The following GRIK1 variants were observed in gnomAD, a reference collection of about 807,000 sequenced individuals.
GRIK1 encodes glutamate ionotropic receptor kainate type subunit 1.
In GRIK1, 69 loss-of-function variants were observed where a neutral mutation model predicts 105.7. That is an observed-to-expected ratio of 0.65 (90% CI 0.54 to 0.80). The LOEUF (loss-of-function observed/expected upper bound fraction) is 0.80, where lower values mean the gene tolerates loss of function less well. Among genes scored for constraint, GRIK1 ranks in the 30% least tolerant of loss-of-function variants. GRIK1 has a pLI of 0.00. For missense variants in GRIK1, 1,109 were observed against 1,167.3 expected, an observed-to-expected ratio of 0.95 and a Z score of 0.73; for synonymous variants, 438 against 431.3, an observed-to-expected ratio of 1.02 and a Z score of -0.19.
chr21:29,714,761 T>C (rs2064139084), intron 1 of GRIK1, among the ~76,000 whole-genome samples: 1 of 152,198 alleles, frequency 6.6e-6, no homozygotes, highest in African/African-American at 2.4e-5. Context: ...TACTTTTTTA[T>C]AGCTTTGATT....
At chr21:29,832,208 C>G (rs143508280) in intron 1 of GRIK1, among the ~76,000 whole-genome samples, 16 of 152,292 alleles carry the variant, frequency 1.1e-4, no homozygotes, top group African/African-American at 3.8e-4. Context: ...CAGGGTGCAT[C>G]CCCCTCAGCT....
At chr21:29,833,625 G>C (rs2067701721) in intron 1 of GRIK1, among the ~76,000 whole-genome samples, 1 of 152,140 alleles carries the variant, frequency 6.6e-6, no homozygotes, top group South Asian at 2.1e-4. Context: ...CATATCTCAT[G>C]AGAACTCACT....
At chr21:29,777,865 T>C (rs2065990355) in intron 1 of GRIK1, among the ~76,000 whole-genome samples, 1 of 152,048 alleles carries the variant, frequency 6.6e-6, no homozygotes, top group African/African-American at 2.4e-5. Flanking sequence ...TGAGTGGCAA[T>C]GGGTCAAGTG....
intron 1 of GRIK1, among the ~76,000 whole-genome samples, chr21:29,744,021 C>T (rs1043877466): frequency 6.6e-6 from 1 of 152,156 alleles, no homozygotes; most frequent in African/African-American, 2.4e-5. Context: ...GTACAACAAA[C>T]CCCCATGACA....
intron 1 of GRIK1, among the ~76,000 whole-genome samples, chr21:29,812,101 T>G (rs2067025969): frequency 6.6e-6 from 1 of 152,176 alleles, no homozygotes; most frequent in Non-Finnish European, 1.5e-5. Flanking sequence ...TGTGTCTGTG[T>G]GTGAATATAT....
At chr21:29,612,543 A>G (rs2146377936) in intron 7 of GRIK1, among the ~76,000 whole-genome samples, 1 of 152,230 alleles carries the variant, frequency 6.6e-6, no homozygotes, top group East Asian at 1.9e-4. Flanking sequence ...CCTTCAGTAC[A>G]TTGTCAGTGC....
At chr21:29,745,825 C>T (rs755579461) in intron 1 of GRIK1, among the ~76,000 whole-genome samples, 6 of 152,106 alleles carry the variant, frequency 3.9e-5, no homozygotes, top group Admixed American at 6.5e-5. Flanking sequence ...AAAGAGAGTC[C>T]GGGCATGGTG....
At chr21:29,698,560 A>C (rs1053112157) in intron 1 of GRIK1, among the ~76,000 whole-genome samples, 1 of 152,164 alleles carries the variant, frequency 6.6e-6, no homozygotes, top group Non-Finnish European at 1.5e-5. Flanking sequence ...GTTCTCTTTC[A>C]TTGCTCGTGT....
chr21:29,540,187 C>T (rs1235938484), intron 16 of GRIK1, among the ~76,000 whole-genome samples: 3 of 152,140 alleles, frequency 2.0e-5, no homozygotes, highest in Non-Finnish European at 4.4e-5. Context: ...TCTGTTTCAA[C>T]TAAGTTTATT....
intron 7 of GRIK1, among the ~76,000 whole-genome samples, chr21:29,612,570 C>T (rs2061752577): frequency 6.6e-6 from 1 of 152,222 alleles, no homozygotes; most frequent in Non-Finnish European, 1.5e-5. Flanking sequence ...TTCTCACCAA[C>T]TCAAAATATC....
intron 1 of GRIK1, among the ~76,000 whole-genome samples, chr21:29,734,523 C>T (rs2064735110): frequency 6.6e-6 from 1 of 151,982 alleles, no homozygotes; most frequent in African/African-American, 2.4e-5. Flanking sequence ...CCTCAGCCTC[C>T]TGGGTAGTTG....
chr21:29,602,313 T>C (rs1285728837), intron 7 of GRIK1, among the ~76,000 whole-genome samples: 1 of 152,248 alleles, frequency 6.6e-6, no homozygotes, highest in African/African-American at 2.4e-5. Context: ...TAAAACATAT[T>C]ACTATCTGGC....
At chr21:29,854,936 G>C (rs1294832377) in intron 1 of GRIK1, among the ~76,000 whole-genome samples, 1 of 152,178 alleles carries the variant, frequency 6.6e-6, no homozygotes, top group Non-Finnish European at 1.5e-5. Context: ...AGGGATATTT[G>C]CATCATAGAA....
chr21:29,921,299 C>T (rs189254387), intron 1 of GRIK1, among the ~76,000 whole-genome samples: 1 of 152,246 alleles, frequency 6.6e-6, no homozygotes, highest in Non-Finnish European at 1.5e-5. Flanking sequence ...GGAAAGGGTG[C>T]TGTTGAAATA....
intron 1 of GRIK1, among the ~76,000 whole-genome samples, chr21:29,935,996 C>G (rs551289307): frequency 2.0e-5 from 3 of 152,264 alleles, no homozygotes; most frequent in Non-Finnish European, 4.4e-5. Context: ...ACTCAAAGCC[C>G]TTTCATATTG....
At chr21:29,692,882 AT>A (rs1313408746) in intron 2 of GRIK1, among the ~76,000 whole-genome samples, 1 of 152,118 alleles carries the variant, frequency 6.6e-6, no homozygotes, top group African/African-American at 2.4e-5. Context: ...TATGTTGTTA[AT>A]TTTTTATCTG....
intron 1 of GRIK1, among the ~76,000 whole-genome samples, chr21:29,845,902 A>G (rs1399921747): frequency 2.0e-5 from 3 of 151,968 alleles, no homozygotes; most frequent in Non-Finnish European, 4.4e-5. Flanking sequence ...CCTCTCACTC[A>G]CCCTGTTACA....
chr21:29,683,276 T>C (rs551544833), intron 3 of GRIK1, among the ~76,000 whole-genome samples: 11 of 152,214 alleles, frequency 7.2e-5, no homozygotes, highest in Non-Finnish European at 1.6e-4. Flanking sequence ...ATCCCATTAC[T>C]GGGTATATAT....
At chr21:29,813,946 C>G (rs140876892) in intron 1 of GRIK1, among the ~76,000 whole-genome samples, 1,552 of 142,740 alleles carry the variant, frequency 0.011, 35 homozygotes, top group African/African-American at 0.038. Context: ...TGGAATTTCA[C>G]TCTTATTGCC....
Sources: gnomAD v4.1 joint callset for allele counts (sites outside exome capture counted in the v4.1 genomes callset) on GRCh38, gnomAD v4.1.1 for gene constraint, MANE v1.5 for transcripts, NCBI Gene and HGNC (gene_info 2026-07-23, HGNC 2026-07-21) for gene names.